The following AGBL1 variants were observed in gnomAD, a reference collection of about 807,000 sequenced individuals.
AGBL1 encodes AGBL carboxypeptidase 1, also known as cytosolic carboxypeptidase 4.
A neutral mutation model predicts 118.9 loss-of-function variants in AGBL1; 130 were observed. The observed-to-expected ratio is 1.09, with a 90% CI of 0.95 to 1.26. AGBL1 has a LOEUF of 1.26. Ranked by LOEUF, AGBL1 falls within the 50% of genes most tolerant of loss-of-function variation. The probability of loss-of-function intolerance (pLI) is 0.00; values close to 1 mark genes in which losing one functional copy is unlikely to be tolerated. For missense variants in AGBL1, 1,584 were observed against 1,298.1 expected (o/e 1.22, Z -3.38); for synonymous variants, 555 against 478.9 (o/e 1.16, Z -2.08).
At chr15:86,088,408 T>G (rs1461300089) in intron 1 of AGBL1, 1 of 152,266 alleles carries the variant, frequency 6.6e-6, no homozygotes, top group Non-Finnish European at 1.5e-5. Flanking sequence ...AACTATGCAG[T>G]TCAGAGTCCT....
rs71144054 is a variant in AGBL1, at chr15:86,542,356, ATTTTTTTTTTT to A, written c.2686-3629_2686-3619del. 1.1e-3 allele frequency among the ~76,000 whole-genome samples: 132 copies of A among 116,346 alleles called. 2 individuals are homozygous for A. Among genetic ancestry groups the A allele is most frequent in the African/African-American group, 3.6e-3 (101 of 28,338 alleles). The allele number at this position is 116,346 out of a possible 152,430, so 76.3% of individuals were successfully genotyped here. A position where few individuals can be genotyped will look rare whatever the true frequency, so the allele number is the denominator to read the frequency against. On this transcript the variant is annotated intron_variant, in intron 19 of 22. Coordinates refer to ENST00000614907, the MANE Select transcript of AGBL1 (RefSeq NM_001386094.1). ...GTTTGTAGGGGATGCCACCATTGAG[ATTTTTTTTTTT>A]TTTTTTTTTTTTTTTTGAGACAGAG... is the stretch of plus-strand genomic sequence containing the variant.
intron 1 of AGBL1, among the ~76,000 whole-genome samples, chr15:86,082,301 C>A (rs752554978): frequency 4.6e-5 from 7 of 152,232 alleles, no homozygotes; most frequent in East Asian, 1.9e-4. Context: ...TTAGCTGAAC[C>A]TGTCTCAGTT....
intron 21 of AGBL1, among the ~76,000 whole-genome samples, chr15:86,586,318 T>A (rs1301425661): frequency 6.6e-6 from 1 of 152,218 alleles, no homozygotes; most frequent in Non-Finnish European, 1.5e-5. Context: ...TTAGTTTACC[T>A]GCTTGGAGTG....
intron 22 of AGBL1, among the ~76,000 whole-genome samples, chr15:86,766,557 G>A (rs2078099880): frequency 6.6e-6 from 1 of 151,846 alleles, no homozygotes; most frequent in Non-Finnish European, 1.5e-5. Flanking sequence ...TATGAAGATA[G>A]ATGGTCATAT....
chr15:86,584,509 T>C (rs1034305914), intron 21 of AGBL1, among the ~76,000 whole-genome samples: 1 of 152,134 alleles, frequency 6.6e-6, no homozygotes, highest in Non-Finnish European at 1.5e-5. Context: ...TGTGTGACTT[T>C]ATTCTCAGTT....
intron 17 of AGBL1, among the ~76,000 whole-genome samples, chr15:86,321,864 C>T (rs1484517918): frequency 2.0e-5 from 2 of 99,580 alleles, no homozygotes; most frequent in Non-Finnish European, 4.0e-5. Flanking sequence ...CATTTTCTGT[C>T]AGTACTAATT....
chr15:86,374,608 A>G (rs6496326), intron 17 of AGBL1, among the ~76,000 whole-genome samples: 79,597 of 151,982 alleles, frequency 0.52, 22,133 homozygotes, highest in East Asian at 0.7. Flanking sequence ...TCTAAAACCC[A>G]TAAATTGAGG....
intron 10 of AGBL1, 30 bp from the exon 11 acceptor site, chr15:86,264,228 A>G: frequency 6.7e-7 from 1 of 1,493,352 alleles, no homozygotes. Context: ...AGGACACACT[A>G]ACATATTGTA....
At chr15:86,206,080 G>T (rs866429559) in intron 5 of AGBL1, among the ~76,000 whole-genome samples, 3 of 152,126 alleles carry the variant, frequency 2.0e-5, no homozygotes, top group Non-Finnish European at 4.4e-5. Flanking sequence ...TGCAGTGTTT[G>T]GGACAGTTTG....
intron 18 of AGBL1, among the ~76,000 whole-genome samples, chr15:86,426,784 A>G (rs1036705489): frequency 6.6e-6 from 1 of 152,150 alleles, no homozygotes. Flanking sequence ...TTATTTATTA[A>G]GAGATGGAGT....
At chr15:86,390,359 A>G (rs2081257816) in intron 17 of AGBL1, among the ~76,000 whole-genome samples, 1 of 152,212 alleles carries the variant, frequency 6.6e-6, no homozygotes, top group Non-Finnish European at 1.5e-5. Context: ...TGGTAAGAAT[A>G]TAGACAATAT....
chr15:86,095,994 T>A (rs538845759), intron 1 of AGBL1, among the ~76,000 whole-genome samples: 1 of 152,278 alleles, frequency 6.6e-6, no homozygotes, highest in East Asian at 1.9e-4. Context: ...TTATATTTTT[T>A]TTCATATTTT....
chr15:86,191,348 CAAAAAA>C (rs869108108), intron 5 of AGBL1, among the ~76,000 whole-genome samples: 3 of 65,118 alleles, frequency 4.6e-5, no homozygotes, highest in Admixed American at 2.0e-4. Context: ...AACTTTGTCT[CAAAAAA>C]AAAAAAAAAA....
chr15:86,758,030 GC>G (rs2077967032), intron 22 of AGBL1, among the ~76,000 whole-genome samples: 1 of 152,028 alleles, frequency 6.6e-6, no homozygotes. Context: ...AATTATCAGG[GC>G]CTTTGAAGTT....
intron 24 of AGBL1, among the ~76,000 whole-genome samples, chr15:86,996,870 A>G (rs1273167927): frequency 2.0e-5 from 3 of 152,186 alleles, no homozygotes; most frequent in Non-Finnish European, 4.4e-5. Context: ...ATTAAAAACA[A>G]TGACAAAACT....
chr15:86,940,060 C>T (rs1427194602), intron 23 of AGBL1, among the ~76,000 whole-genome samples: 14 of 59,414 alleles, frequency 2.4e-4, no homozygotes, highest in Non-Finnish European at 2.5e-4. Flanking sequence ...TTTGGTAGTC[C>T]TTTTTTTTTT....
intron 17 of AGBL1, among the ~76,000 whole-genome samples, chr15:86,310,472 G>T (rs994360236): frequency 1.3e-5 from 2 of 152,304 alleles, no homozygotes; most frequent in African/African-American, 4.8e-5. Flanking sequence ...TCCAGGGTCA[G>T]CAGGTGAGTG....
At chr15:86,349,589 A>G (rs375834664) in intron 17 of AGBL1, among the ~76,000 whole-genome samples, 8 of 152,312 alleles carry the variant, frequency 5.3e-5, no homozygotes, top group East Asian at 1.9e-4. Context: ...TGATATGTAC[A>G]TAGTAGGAAC....
intron 22 of AGBL1, among the ~76,000 whole-genome samples, chr15:86,713,456 C>G (rs1272883634): frequency 6.6e-6 from 1 of 151,954 alleles, no homozygotes; most frequent in African/African-American, 2.4e-5. Flanking sequence ...AAACATAATC[C>G]CACTCTTGGT....
Sources: allele counts gnomAD v4.1 joint callset (sites outside exome capture counted in the v4.1 genomes callset), GRCh38; gene constraint gnomAD v4.1.1; transcripts MANE v1.5; gene names NCBI Gene and HGNC (gene_info 2026-07-23, HGNC 2026-07-21).